The following SH3GL1 variants were observed in gnomAD, a reference collection of about 807,000 sequenced individuals.
SH3GL1 encodes the protein endophilin-A2.
A neutral mutation model predicts 48.8 loss-of-function variants in SH3GL1; 21 were observed. The ratio of observed to expected loss-of-function variants is 0.43; its 90% CI spans 0.30 to 0.62. The LOEUF (loss-of-function observed/expected upper bound fraction) is 0.62. Among genes scored for constraint, SH3GL1 ranks in the 20% least tolerant of loss-of-function variants. SH3GL1 has a pLI of 0.11. For missense variants in SH3GL1, 454 were observed against 503.0 expected, an observed-to-expected ratio of 0.90 and a Z score of 0.93; for synonymous variants, 282 against 217.5, an observed-to-expected ratio of 1.30 and a Z score of -2.61.
intron 1 of SH3GL1, among the ~76,000 whole-genome samples, chr19:4,372,906 C>G (rs757058958): frequency 6.6e-6 from 1 of 152,140 alleles, no homozygotes; most frequent in East Asian, 1.9e-4. Context: ...GACCTGAGGC[C>G]CTTGCGTGCT....
At chr19:4,393,254 C>T (rs1406035025) in intron 1 of SH3GL1, among the ~76,000 whole-genome samples, 2 of 151,822 alleles carry the variant, frequency 1.3e-5, no homozygotes, top group African/African-American at 4.8e-5. Context: ...GTGTGAGACT[C>T]CGTCTCAAAA....
intron 1 of SH3GL1, among the ~76,000 whole-genome samples, chr19:4,387,840 C>T (rs146283394): frequency 1.4e-4 from 22 of 152,074 alleles, no homozygotes; most frequent in Admixed American, 1.2e-3. Context: ...TGCATTACTA[C>T]GCCCGACGAA....
intron 1 of SH3GL1, among the ~76,000 whole-genome samples, chr19:4,388,963 C>T (rs975664183): frequency 3.9e-5 from 6 of 152,210 alleles, no homozygotes; most frequent in East Asian, 3.9e-4. Flanking sequence ...TGTTCCCAAC[C>T]GAGTTCTCCG....
intron 7 of SH3GL1, 152 bp from the exon 8 acceptor site, chr19:4,362,888 G>C: frequency 3.1e-6 from 4 of 1,287,474 alleles, no homozygotes; most frequent in Non-Finnish European, 4.4e-6. Context: ...GACACAGCTA[G>C]ACTGGGATGT....
rs147481735 is a variant in SH3GL1, at chr19:4,380,291, G to A, written c.46-13297C>T. ...AGTATTTACCTGTGCCAGGTACAGT[G>A]GAAAAGGAAAGACACGTAACCCAGG... On this transcript the variant is annotated intron_variant, in intron 1 of 9. Transcript: ENST00000269886. The A allele has an allele frequency of 8.5e-3, 1,293 of 152,514 alleles. 14 individuals are homozygous for A. The highest frequency in any genetic ancestry group is 0.068 in the Middle Eastern group (20 of 296). The allele number at this position is 152,514 out of a possible 1,614,324, so 9.4% of individuals were successfully genotyped here. A position where few individuals can be genotyped will look rare whatever the true frequency, so the allele number is the denominator to read the frequency against.
In SH3GL1 at chr19:4,361,806, G is replaced by A; in HGVS notation, c.911-10C>T. On this transcript the variant is annotated splice_polypyrimidine_tract_variant and intron_variant, in intron 9 of 9. Coordinates refer to ENST00000269886, the MANE Select transcript of SH3GL1 (RefSeq NM_003025.4). The stretch of plus-strand genomic sequence containing the variant: ...GGCTGGTCCAGGGGCGCTGGGGGCG[G>A]GAGCGGGCTGTGGGGCTGGGGCTGC... The A allele has an allele frequency of 6.3e-7, 1 of 1,597,728 alleles. No individual in the cohort carries two copies. The highest frequency in any genetic ancestry group is 8.5e-7 in the Non-Finnish European group (1 of 1,174,434).
chr19:4,365,615 A>T lies in SH3GL1; in HGVS notation c.198T>A (p.Ala66=). The change falls in exon 4 of 10, where the codon GCT becomes GCA. Residue 66 remains alanine, a synonymous_variant. Transcript: ENST00000269886. ...EYLQPNPASR[A]KLTMLNTVSK... ...ACACCGTGTTGAGCATGGTCAGCTTAGCCCGCGAGGCTGGGATAGGATGGC... is the reference window on the plus strand; with the variant it reads ...ACACCGTGTTGAGCATGGTCAGCTTTGCCCGCGAGGCTGGGATAGGATGGC... 3 of 1,614,060 alleles carry T rather than the reference A, an allele frequency of 1.9e-6. No homozygotes were observed. Among genetic ancestry groups the T allele is most frequent in the Non-Finnish European group, 2.5e-6 (3 of 1,180,040 alleles).
intron 1 of SH3GL1, among the ~76,000 whole-genome samples, chr19:4,396,851 G>C (rs1373298293): frequency 2.0e-5 from 3 of 152,174 alleles, no homozygotes; most frequent in African/African-American, 7.2e-5. Flanking sequence ...CATTGTCAAT[G>C]TCCCCTGGAG....
chr19:4,366,677 A>G (rs1386880157), intron 2 of SH3GL1, 104 bp from the exon 3 acceptor site: 2 of 1,064,086 alleles, frequency 1.9e-6, no homozygotes. Context: ...CCATACCAGG[A>G]CCCCCCAACC....
At chr19:4,397,082 G>A (rs1973438969) in intron 1 of SH3GL1, among the ~76,000 whole-genome samples, 1 of 152,116 alleles carries the variant, frequency 6.6e-6, no homozygotes, top group Non-Finnish European at 1.5e-5. Flanking sequence ...ACAGCAGAGG[G>A]TGAAAGAGTT....
intron 1 of SH3GL1, among the ~76,000 whole-genome samples, chr19:4,371,625 C>T (rs922427618): frequency 6.6e-6 from 1 of 152,204 alleles, no homozygotes; most frequent in Admixed American, 6.5e-5. Flanking sequence ...GCCCAGCCTG[C>T]AGGGATGCGC....
intron 3 of SH3GL1, among the ~76,000 whole-genome samples, 183 bp downstream of exon 3, chr19:4,366,318 C>T (rs1972778171): frequency 6.6e-6 from 1 of 152,158 alleles, no homozygotes. Flanking sequence ...AACAGAGGGG[C>T]TGAGCTGCTG....
At chr19:4,370,973 C>T (rs557480833) in intron 1 of SH3GL1, among the ~76,000 whole-genome samples, 6 of 152,364 alleles carry the variant, frequency 3.9e-5, no homozygotes, top group Admixed American at 2.0e-4. Flanking sequence ...TCTATGCTCA[C>T]GCATCCCACC....
At chr19:4,377,009 C>G (rs1324114494) in intron 1 of SH3GL1, among the ~76,000 whole-genome samples, 13 of 152,260 alleles carry the variant, frequency 8.5e-5, no homozygotes, top group African/African-American at 3.1e-4. Flanking sequence ...CCTCCCATCA[C>G]CTTCCCTTTT....
In SH3GL1 at chr19:4,366,584, A is replaced by C. The variant is rs199669482; in HGVS notation, c.115-11T>G. 13 of 1,610,834 alleles carry C rather than the reference A, an allele frequency of 8.1e-6. No individual in the cohort carries two copies. In the East Asian group the frequency reaches 1.8e-4, roughly 22 times the overall value. ...GGTGACATCCACCTTCTGTGAAGAG[A>C]AGCAGCATATAAGACTCCACAGCCA... On this transcript the variant is annotated splice_polypyrimidine_tract_variant and intron_variant, in intron 2 of 9. Coordinates refer to ENST00000269886, the MANE Select transcript of SH3GL1 (RefSeq NM_003025.4).
rs1241970071 is a variant in SH3GL1 at position 4,367,057 on chromosome 19, G to T, written c.46-63C>A. On this transcript the variant is annotated intron_variant, in intron 1 of 9. Coordinates refer to ENST00000269886, the MANE Select transcript of SH3GL1 (RefSeq NM_003025.4). The surrounding 1 kb of genome is among the most constrained non-coding windows in gnomAD (Gnocchi z 4.2). ...GGTAGGAGGAAGAAGAGGACAGGAG[G>T]CCCTGAGCCGCCTTCCAGCCACATC... 6.2e-6 allele frequency: 9 copies of T among 1,443,162 alleles called. No individual in the cohort carries two copies. The South Asian group carries it at 9.1e-5, about 15-fold the overall frequency. The allele number at this position is 1,443,162 out of a possible 1,614,324, so 89.4% of individuals were successfully genotyped here. A position where few individuals can be genotyped will look rare whatever the true frequency, so the allele number is the denominator to read the frequency against.
At chr19:4,384,291 G>A (rs1973193652) in intron 1 of SH3GL1, among the ~76,000 whole-genome samples, 1 of 152,226 alleles carries the variant, frequency 6.6e-6, no homozygotes, top group Non-Finnish European at 1.5e-5. Context: ...CCTGAGCTGG[G>A]AGCCTCCTCC....
In SH3GL1 at chr19:4,364,917, T is replaced by TA. The variant is rs1491257648; in HGVS notation, c.331+564_331+565insT. 1.2e-3 allele frequency among the ~76,000 whole-genome samples: 150 copies of TA among 123,278 alleles called. 3 individuals are homozygous for TA. The highest frequency in any genetic ancestry group is 0.011 in the East Asian group (50 of 4,610). 80.9% of individuals were successfully genotyped at this position (123,278 alleles called of 152,430 possible). On this transcript the variant is annotated intron_variant, in intron 4 of 9. Transcript: ENST00000269886. ...GTGTGTGTATATATATATATATATA[T>TA]TTTTTTTTTTTTAGTAGAAGCGGGG...
intron 1 of SH3GL1, among the ~76,000 whole-genome samples, chr19:4,398,348 C>T (rs749104350): frequency 3.9e-5 from 6 of 151,944 alleles, no homozygotes; most frequent in Non-Finnish European, 8.8e-5. Flanking sequence ...CCCTGCAGTA[C>T]ACGGACCAAT....
Sources: gnomAD v4.1 joint callset for allele counts (sites outside exome capture counted in the v4.1 genomes callset) on GRCh38, gnomAD v4.1.1 for gene constraint, Gnocchi (gnomAD v3.1) non-coding constraint, MANE v1.5 for transcripts, NCBI Gene and HGNC (gene_info 2026-07-23, HGNC 2026-07-21) for gene names.